The following ACCSL variants were observed in gnomAD, a reference collection of about 807,000 sequenced individuals.
ACCSL encodes the protein 1-aminocyclopropane-1-carboxylate synthase homolog (inactive) like, also known as probable inactive 1-aminocyclopropane-1-carboxylate synthase-like protein 2.
ACCSL carries 55 observed loss-of-function variants against 61.7 expected under a neutral mutation model. The ratio of observed to expected loss-of-function variants is 0.89; its 90% confidence interval spans 0.72 to 1.12. ACCSL has a LOEUF of 1.12. Ranked by LOEUF, ACCSL falls within the 50% of genes most tolerant of loss-of-function variation. The pLI is 0.00. For synonymous variants in ACCSL, 258 were observed against 264.3 expected (o/e 0.98, Z 0.23); for missense variants, 632 against 698.0 (o/e 0.91, Z 1.07).
chr11:43,943,371 G>A, the ACCSL span: 1 of 1,388,210 alleles, frequency 7.2e-7, no homozygotes, highest in Non-Finnish European at 9.3e-7. This position sits in a 1 kb window ranked among gnomAD's most constrained non-coding sequence, Gnocchi z 4.8. Context: ...CGGGGGACCC[G>A]CAAGGACCCG....
intron 11 of ACCSL, 120 bp from the exon 12 acceptor site, chr11:44,058,193 GACAA>G (rs1214956974): frequency 4.9e-6 from 6 of 1,236,206 alleles, no homozygotes; most frequent in African/African-American, 3.1e-5. Context: ...TTTAAAAACA[GACAA>G]ACAAAACAAA....
upstream of ACCSL, among the ~76,000 whole-genome samples, chr11:44,044,842 T>A (rs1952589650): frequency 6.6e-6 from 1 of 152,166 alleles, no homozygotes; most frequent in Non-Finnish European, 1.5e-5. Flanking sequence ...GCTGCTAGCA[T>A]CTACTGGGCT....
chr11:44,024,499 T>C, the ACCSL span, among the ~76,000 whole-genome samples: 11 of 150,530 alleles, frequency 7.3e-5, no homozygotes, highest in African/African-American at 2.7e-4. Flanking sequence ...ATCCTATTGC[T>C]TCTGTTTCTC....
At position 44,047,997 on chromosome 11, in the gene ACCSL, T is replaced by C; in HGVS notation, c.-40T>C. The C allele has an allele frequency of 6.3e-7, 1 of 1,582,784 alleles. No homozygotes were observed. Among genetic ancestry groups the C allele is most frequent in the Non-Finnish European group, 8.6e-7 (1 of 1,160,808 alleles). On this transcript the variant is annotated 5_prime_UTR_variant, in exon 1 of 14. Transcript: ENST00000378832. ...TGTCAATGGTCTCTTTCTCCATAGGTGCCAGGCAGCCTTCAGAGGCCAGTA... is the reference window on the plus strand; with the variant it reads ...TGTCAATGGTCTCTTTCTCCATAGGCGCCAGGCAGCCTTCAGAGGCCAGTA...
the ACCSL span, among the ~76,000 whole-genome samples, chr11:44,001,830 T>TGTGTGTGTGG: frequency 9.5e-6 from 1 of 105,166 alleles, no homozygotes; most frequent in Non-Finnish European, 2.0e-5. Context: ...TGTGTGTGTG[T>TGTGTGTGTGG]AGAGGGTGGG....
the ACCSL span, among the ~76,000 whole-genome samples, chr11:43,979,252 A>G: frequency 1.3e-5 from 2 of 152,194 alleles, no homozygotes; most frequent in African/African-American, 4.8e-5. Flanking sequence ...GGACTGCTTG[A>G]GCCCAGGAGG....
At chr11:43,993,774 A>G in the ACCSL span, among the ~76,000 whole-genome samples, 1 of 152,252 alleles carries the variant, frequency 6.6e-6, no homozygotes, top group South Asian at 2.1e-4. Flanking sequence ...CCCTATACTA[A>G]CCATCTGGTC....
At chr11:43,994,285 C>T in the ACCSL span, among the ~76,000 whole-genome samples, 3 of 152,216 alleles carry the variant, frequency 2.0e-5, no homozygotes, top group Non-Finnish European at 4.4e-5. Context: ...ATAGTCCTCA[C>T]TGATAGTGCC....
At chr11:43,949,075 T>C in the ACCSL span, among the ~76,000 whole-genome samples, 4 of 152,230 alleles carry the variant, frequency 2.6e-5, no homozygotes, top group Non-Finnish European at 4.4e-5. Context: ...ATTTGCATAG[T>C]GGCCTGCAGG....
the ACCSL span, among the ~76,000 whole-genome samples, chr11:43,976,224 G>A: frequency 8.5e-5 from 13 of 152,246 alleles, no homozygotes; most frequent in East Asian, 2.5e-3. Context: ...AACCTTGGGA[G>A]GAAGTAAGTT....
At chr11:44,053,588 T>C in intron 8 of ACCSL, 82 bp downstream of exon 8, 11 of 1,321,214 alleles carry the variant, frequency 8.3e-6, no homozygotes, top group Non-Finnish European at 1.2e-5. Flanking sequence ...AAGAGCCAGA[T>C]CTGGTGGCAC....
At chr11:43,936,867 G>T in the ACCSL span, among the ~76,000 whole-genome samples, 1 of 151,990 alleles carries the variant, frequency 6.6e-6, no homozygotes, top group Non-Finnish European at 1.5e-5. Context: ...TCCATGGGAG[G>T]TTCAATTTCC....
At chr11:43,922,964 A>G in the ACCSL span, among the ~76,000 whole-genome samples, 1 of 152,238 alleles carries the variant, frequency 6.6e-6, no homozygotes, top group African/African-American at 2.4e-5. Flanking sequence ...ATCAGGATCC[A>G]CATTGATCCA....
chr11:44,041,713 CT>C, the ACCSL span, among the ~76,000 whole-genome samples: 1 of 152,276 alleles, frequency 6.6e-6, no homozygotes, highest in Non-Finnish European at 1.5e-5. Flanking sequence ...CTTACCTTGG[CT>C]AATATTCTTG....
At chr11:44,058,195 C>A (rs1952683278) in intron 11 of ACCSL, 122 bp from the exon 12 acceptor site, 3 of 1,242,180 alleles carry the variant, frequency 2.4e-6, no homozygotes, top group Admixed American at 2.7e-5. Flanking sequence ...TAAAAACAGA[C>A]AAACAAAACA....
chr11:44,027,203 G>A, the ACCSL span, among the ~76,000 whole-genome samples: 5 of 152,150 alleles, frequency 3.3e-5, no homozygotes, highest in African/African-American at 1.2e-4. Context: ...TTAATGCTCT[G>A]GCAGACAGTC....
the ACCSL span, among the ~76,000 whole-genome samples, chr11:43,954,247 T>TA: frequency 6.6e-6 from 1 of 152,206 alleles, no homozygotes; most frequent in Non-Finnish European, 1.5e-5. Flanking sequence ...TTTGGAGTGA[T>TA]ACCTGAGGTT....
chr11:43,955,390 A>G, the ACCSL span, among the ~76,000 whole-genome samples: 2 of 152,194 alleles, frequency 1.3e-5, no homozygotes, highest in African/African-American at 4.8e-5. Context: ...TGGTGTGACA[A>G]CTGTTACCAC....
chr11:44,052,059 T>G (rs1412150155), intron 5 of ACCSL, among the ~76,000 whole-genome samples: 3 of 152,234 alleles, frequency 2.0e-5, no homozygotes, highest in African/African-American at 7.2e-5. Context: ...ATTTCTTATC[T>G]CTTCAGAAAA....
Sources: allele counts gnomAD v4.1 joint callset (sites outside exome capture counted in the v4.1 genomes callset), GRCh38; gene constraint gnomAD v4.1.1; non-coding constraint Gnocchi (gnomAD v3.1); transcripts MANE v1.5; gene names NCBI Gene and HGNC (gene_info 2026-07-23, HGNC 2026-07-21).